The following CTIF variants were observed in gnomAD, a reference collection of about 807,000 sequenced individuals.
CTIF encodes the protein cap binding complex dependent translation initiation factor.
CTIF carries 21 observed loss-of-function variants against 66.0 expected under a neutral mutation model. That is an observed-to-expected ratio of 0.32 (90% CI 0.23 to 0.46). The LOEUF (loss-of-function observed/expected upper bound fraction) is 0.46, where lower values mean the gene tolerates loss of function less well. CTIF is among the 20% of genes least tolerant of loss of function. CTIF has a pLI of 1.00. For missense variants in CTIF, 739 were observed against 812.7 expected, an observed-to-expected ratio of 0.91 and a Z score of 1.10; for synonymous variants, 345 against 326.4, an observed-to-expected ratio of 1.06 and a Z score of -0.62.
intron 10 of CTIF, among the ~76,000 whole-genome samples, chr18:48,850,912 C>A (rs1568268938): frequency 6.6e-6 from 1 of 152,234 alleles, no homozygotes; most frequent in Non-Finnish European, 1.5e-5. Flanking sequence ...GCCACCAAGG[C>A]CCTTCCTGTG....
intron 1 of CTIF, among the ~76,000 whole-genome samples, chr18:48,545,940 G>C (rs2088737540): frequency 6.6e-6 from 1 of 152,180 alleles, no homozygotes; most frequent in African/African-American, 2.4e-5. Flanking sequence ...CCAGCTGGCA[G>C]AATCCAGCGA....
At chr18:48,606,023 G>A (rs2090193679) in intron 1 of CTIF, among the ~76,000 whole-genome samples, 1 of 152,230 alleles carries the variant, frequency 6.6e-6, no homozygotes, top group Non-Finnish European at 1.5e-5. Flanking sequence ...CCTTGGCCAA[G>A]AGGTCTTGTC....
intron 1 of CTIF, among the ~76,000 whole-genome samples, chr18:48,553,398 C>T (rs1325807783): frequency 1.3e-5 from 2 of 152,220 alleles, no homozygotes; most frequent in Non-Finnish European, 2.9e-5. Context: ...TCTTTCCCTC[C>T]ATCCTGTTTC....
chr18:48,636,933 T>C (rs991998132), intron 3 of CTIF, among the ~76,000 whole-genome samples: 6 of 152,186 alleles, frequency 3.9e-5, no homozygotes, highest in African/African-American at 1.4e-4. Context: ...TATTAACACA[T>C]ATCTGGAAGC....
intron 3 of CTIF, among the ~76,000 whole-genome samples, chr18:48,663,468 G>A (rs778551195): frequency 6.6e-6 from 1 of 152,128 alleles, no homozygotes; most frequent in African/African-American, 2.4e-5. Flanking sequence ...GTGGTACAGA[G>A]CCCTTGCTGG....
intron 1 of CTIF, among the ~76,000 whole-genome samples, chr18:48,541,126 C>T (rs532738276): frequency 0.018 from 2,729 of 152,314 alleles, 32 homozygotes; most frequent in Non-Finnish European, 0.028. Context: ...CGCTCGCCGC[C>T]GCTGCCTTCG....
At chr18:48,831,248 G>A (rs1161307692) in intron 10 of CTIF, among the ~76,000 whole-genome samples, 1 of 152,256 alleles carries the variant, frequency 6.6e-6, no homozygotes, top group Non-Finnish European at 1.5e-5. Context: ...CTCAGCCTGC[G>A]AAGCTGCCTC....
chr18:48,541,583 T>A (rs1252923506), intron 1 of CTIF, among the ~76,000 whole-genome samples: 8 of 152,156 alleles, frequency 5.3e-5, no homozygotes, highest in Admixed American at 5.2e-4. Context: ...GTGAACAGAA[T>A]GCACCGAACA....
At chr18:48,625,270 C>T in intron 2 of CTIF, 1 of 945,188 alleles carries the variant, frequency 1.1e-6, no homozygotes, top group Non-Finnish European at 1.3e-6. Flanking sequence ...GGTGGTTCAG[C>T]ATGGGGGATT....
At chr18:48,593,419 C>T (rs565127348) in intron 1 of CTIF, among the ~76,000 whole-genome samples, 132 of 147,136 alleles carry the variant, frequency 9.0e-4, no homozygotes, top group South Asian at 3.9e-3. Flanking sequence ...CTCGCTCTGT[C>T]GCCCAGGCCA....
intron 1 of CTIF, among the ~76,000 whole-genome samples, chr18:48,576,736 G>C (rs1877414): frequency 0.096 from 14,631 of 152,206 alleles, 1,347 homozygotes; most frequent in African/African-American, 0.25. Flanking sequence ...AAAGGACGCA[G>C]GGAGGATTCG....
chr18:48,824,606 A>G (rs1342203120), intron 10 of CTIF, among the ~76,000 whole-genome samples: 3 of 149,192 alleles, frequency 2.0e-5, no homozygotes, highest in African/African-American at 7.4e-5. Context: ...TGGCAGGGGA[A>G]TTTTCTTTTC....
At chr18:48,806,893 G>A (rs530196133) in intron 9 of CTIF, among the ~76,000 whole-genome samples, 27 of 152,298 alleles carry the variant, frequency 1.8e-4, no homozygotes, top group Middle Eastern at 3.4e-3. Context: ...GGCAGGAAAC[G>A]GGGCTTAAAT....
chr18:48,841,969 T>C (rs1412017857), intron 10 of CTIF, among the ~76,000 whole-genome samples: 1 of 152,118 alleles, frequency 6.6e-6, no homozygotes, highest in Non-Finnish European at 1.5e-5. Context: ...CCCTACCTAC[T>C]GGAAGGTGGA....
At chr18:48,827,127 G>A (rs1354958611) in intron 10 of CTIF, among the ~76,000 whole-genome samples, 1 of 152,198 alleles carries the variant, frequency 6.6e-6, no homozygotes, top group Non-Finnish European at 1.5e-5. Flanking sequence ...CTCACCAGAG[G>A]TGTTCTAGTG....
chr18:48,584,217 A>T (rs1335779955), intron 1 of CTIF, among the ~76,000 whole-genome samples: 2 of 152,150 alleles, frequency 1.3e-5, no homozygotes, highest in African/African-American at 4.8e-5. Context: ...ACTGTATATG[A>T]TCACCCTTTG....
chr18:48,619,782 T>A (rs2090460768), intron 2 of CTIF, 37 bp downstream of exon 2: 2 of 1,477,086 alleles, frequency 1.4e-6, no homozygotes, highest in African/African-American at 2.8e-5. Context: ...GCTTGGGAAA[T>A]TCAGAGGGGG....
intron 10 of CTIF, among the ~76,000 whole-genome samples, chr18:48,830,110 A>G (rs960725867): frequency 6.6e-6 from 1 of 152,180 alleles, no homozygotes; most frequent in African/African-American, 2.4e-5. Context: ...GGAGGCAGAC[A>G]GTCTTCTGCA....
At chr18:48,766,582 T>G (rs1177321221) in intron 9 of CTIF, among the ~76,000 whole-genome samples, 1 of 152,228 alleles carries the variant, frequency 6.6e-6, no homozygotes, top group Non-Finnish European at 1.5e-5. Flanking sequence ...GGGCATTCGT[T>G]AGCCAGGGTG....
Sources: allele counts gnomAD v4.1 joint callset (sites outside exome capture counted in the v4.1 genomes callset), GRCh38; gene constraint gnomAD v4.1.1; transcripts MANE v1.5; gene names NCBI Gene and HGNC (gene_info 2026-07-23, HGNC 2026-07-21).